Variants in SVEP1 observed in about 807,000 individuals in gnomAD.
SVEP1 encodes the protein sushi, von Willebrand factor type A, EGF and pentraxin domain-containing protein 1.
A neutral mutation model predicts 367.3 loss-of-function variants in SVEP1; 164 were observed. The ratio of observed to expected loss-of-function variants is 0.45; its 90% confidence interval spans 0.39 to 0.51. The LOEUF (loss-of-function observed/expected upper bound fraction) is 0.51. Among genes scored for constraint, SVEP1 ranks in the 20% least tolerant of loss-of-function variants. The pLI is 0.00. For missense variants in SVEP1, 4,117 were observed against 4,425.3 expected, an observed-to-expected ratio of 0.93 and a Z score of 1.98; for synonymous variants, 1,666 against 1,611.6, an observed-to-expected ratio of 1.03 and a Z score of -0.81.
intron 9 of SVEP1, among the ~76,000 whole-genome samples, chr9:110,485,473 T>G (rs12115771): frequency 0.028 from 4,281 of 152,114 alleles, 192 homozygotes; most frequent in African/African-American, 0.098. Flanking sequence ...AACAGCTAAT[T>G]CATGCAGGGC....
rs1205434503 is a variant in SVEP1, at chr9:110,450,147, C to G, written c.4015G>C (p.Gly1339Arg). 6.2e-7 allele frequency: 1 copy of G among 1,613,928 alleles called. No individual in the cohort carries two copies. Among genetic ancestry groups the G allele is most frequent in the East Asian group, 2.2e-5 (1 of 44,880 alleles). Reference sequence around the variant, plus strand: ...TCGACGTTCTTTCCACATCGGGTACCCAAAAATCCAGGTGGGCATTTGCAC... The same window carrying G: ...TCGACGTTCTTTCCACATCGGGTACGCAAAAATCCAGGTGGGCATTTGCAC... ...FLCKCPPGFLGTRCGKNVDEC... is the reference protein window; with the variant it reads ...FLCKCPPGFLRTRCGKNVDEC... The change falls in exon 24 of 48, where the codon GGT becomes CGT. Residue 1339 changes from glycine (G) to arginine (R), a missense_variant. By Grantham distance (125) the Gly-to-Arg change is moderately radical (BLOSUM62 -2). Coordinates refer to ENST00000374469, the MANE Select transcript of SVEP1 (RefSeq NM_153366.4).
chr9:110,513,218 G>T (rs72748893), intron 4 of SVEP1, 113 bp from the exon 5 acceptor site: 21,625 of 990,426 alleles, frequency 0.022, 315 homozygotes, highest in Non-Finnish European at 0.027. Context: ...ATTGCCTACA[G>T]CATTTCCATT....
chr9:110,541,220 T>G (rs1435290048), intron 3 of SVEP1, among the ~76,000 whole-genome samples: 1 of 152,114 alleles, frequency 6.6e-6, no homozygotes, highest in Non-Finnish European at 1.5e-5. Flanking sequence ...TCAGCATCTG[T>G]CCTTATCCTA....
intron 47 of SVEP1, among the ~76,000 whole-genome samples, chr9:110,367,400 G>A (rs1827216057): frequency 8.5e-6 from 1 of 118,148 alleles, no homozygotes. Flanking sequence ...CTGGGCCCAA[G>A]TGATCCGCTT....
chr9:110,489,877 A>G (rs1829340833), intron 8 of SVEP1, 98 bp from the exon 9 acceptor site: 4 of 1,358,618 alleles, frequency 2.9e-6, no homozygotes, highest in Non-Finnish European at 9.7e-7. Context: ...ATGATACAAT[A>G]TTTCACAAAG....
chr9:110,375,221 A>T (rs1257848310), intron 46 of SVEP1, 147 bp downstream of exon 46: 2 of 702,212 alleles, frequency 2.8e-6, no homozygotes, highest in Non-Finnish European at 4.7e-6. Flanking sequence ...TGAGACACGA[A>T]TCAAGGGATC....
intron 43 of SVEP1, among the ~76,000 whole-genome samples, chr9:110,381,298 G>A (rs1827432103): frequency 6.6e-6 from 1 of 152,078 alleles, no homozygotes; most frequent in Admixed American, 6.5e-5. Flanking sequence ...TGTGATGTTA[G>A]GGTGTCAATC....
At position 110,386,018 on chromosome 9, in the gene SVEP1, C is replaced by T. The variant is rs946566883; in HGVS notation, c.10117G>A (p.Glu3373Lys). ...GACACATTCTGATCAACATAAAACT[C>T]CTTTTCAGACAGCAGAGCATTCTCG... ...IPENALLSEKEFYVDQNVSIK... is the reference protein window; with the variant it reads ...IPENALLSEKKFYVDQNVSIK... Residue 3373 changes from glutamate (E) to lysine (K), a missense_variant, in exon 43 of 48, where the codon GAG (glutamate) becomes AAG (lysine). Transcript: ENST00000374469. The T allele has an allele frequency of 1.9e-6, 3 of 1,613,694 alleles. No homozygotes were observed. The highest frequency in any genetic ancestry group is 1.7e-5 in the Admixed American group (1 of 59,994).
At chr9:110,378,137 A>T (rs886984967) in intron 44 of SVEP1, among the ~76,000 whole-genome samples, 1 of 149,564 alleles carries the variant, frequency 6.7e-6, no homozygotes, top group Non-Finnish European at 1.5e-5. Flanking sequence ...CATCATCATC[A>T]TCATCTATCA....
chr9:110,525,268 GACACAATGGAA>G (rs1829926505), intron 3 of SVEP1, among the ~76,000 whole-genome samples: 1 of 152,066 alleles, frequency 6.6e-6, no homozygotes, highest in Non-Finnish European at 1.5e-5. Flanking sequence ...AAAGTTGCAG[GACACAATGGAA>G]ACAAACACAA....
chr9:110,437,116 G>A (rs981026080), intron 27 of SVEP1, among the ~76,000 whole-genome samples: 6 of 152,180 alleles, frequency 3.9e-5, no homozygotes, highest in Admixed American at 3.9e-4. Context: ...GGTTGTCCCC[G>A]TGAGCTGCAT....
At position 110,514,056 on chromosome 9, in the gene SVEP1, T is replaced by C; in HGVS notation, c.1015A>G (p.Ser339Gly). ...KPEGSPGGIS[S>G]CIPCPDENHT... ...TTTTCATCAGGACATGGAATGCAAC[T>C]GCTGATTCCTCCTGGTGAGCCTTCA... Residue 339 changes from serine to glycine, a missense_variant, in exon 4 of 48, where the codon AGT becomes GGT. By Grantham distance (56) the Ser-to-Gly change is moderately conservative. This residue lies in a region of SVEP1 where 2,174 missense variants were observed against 2,494.3 expected (regional missense o/e 0.87). Transcript: ENST00000374469. 1.2e-6 allele frequency: 2 copies of C among 1,611,768 alleles called. No individual in the cohort carries two copies. Among genetic ancestry groups the C allele is most frequent in the Non-Finnish European group, 1.7e-6 (2 of 1,178,926 alleles).
intron 13 of SVEP1, among the ~76,000 whole-genome samples, chr9:110,478,979 C>T (rs1004170158): frequency 2.6e-5 from 4 of 151,434 alleles, no homozygotes; most frequent in Admixed American, 6.6e-5. Flanking sequence ...GAGTGCATGG[C>T]GCGATCTGGT....
chr9:110,500,352 A>G (rs1829513674), intron 6 of SVEP1, among the ~76,000 whole-genome samples: 1 of 152,236 alleles, frequency 6.6e-6, no homozygotes, highest in Non-Finnish European at 1.5e-5. Flanking sequence ...GCCTATATAA[A>G]GTAAGAAAAT....
chr9:110,489,835 T>G, intron 8 of SVEP1, 56 bp from the exon 9 acceptor site: 1 of 1,549,564 alleles, frequency 6.5e-7, no homozygotes, highest in Non-Finnish European at 8.7e-7. Context: ...GTTTATTCTT[T>G]TCTGATTTAT....
intron 40 of SVEP1, among the ~76,000 whole-genome samples, chr9:110,395,924 G>A (rs1337564705): frequency 6.6e-6 from 1 of 151,354 alleles, no homozygotes; most frequent in Non-Finnish European, 1.5e-5. Context: ...ACACCCCACT[G>A]TCAACATTAG....
At chr9:110,389,124 T>C (rs964024324) in intron 41 of SVEP1, among the ~76,000 whole-genome samples, 1 of 152,194 alleles carries the variant, frequency 6.6e-6, no homozygotes, top group Non-Finnish European at 1.5e-5. Flanking sequence ...ATATTAATAT[T>C]AATTGATTTG....
intron 3 of SVEP1, among the ~76,000 whole-genome samples, chr9:110,517,921 TACTA>T (rs1303259678): frequency 3.3e-5 from 5 of 152,022 alleles, no homozygotes; most frequent in African/African-American, 7.2e-5. Context: ...TGAAAACAAA[TACTA>T]AAGAAAGTCT....
At chr9:110,392,158 T>TATATA (rs1554710916) in intron 40 of SVEP1, among the ~76,000 whole-genome samples, 4 of 148,520 alleles carry the variant, frequency 2.7e-5, no homozygotes, top group Non-Finnish European at 4.5e-5. Flanking sequence ...TATATATCTC[T>TATATA]TCTCTCTCTC....
Sources: gnomAD v4.1 joint callset for allele counts (sites outside exome capture counted in the v4.1 genomes callset) on GRCh38, gnomAD v4.1.1 for gene constraint, gnomAD v4.1.1 regional missense constraint, MANE v1.5 for transcripts, NCBI Gene and HGNC (gene_info 2026-07-23, HGNC 2026-07-21) for gene names.